Variants in LSAMP observed in about 807,000 individuals in gnomAD.
LSAMP encodes limbic system associated membrane protein.
LSAMP carries 7 observed loss-of-function variants against 38.6 expected under a neutral mutation model. The observed-to-expected ratio is 0.18, with a 90% CI of 0.10 to 0.34. The LOEUF (loss-of-function observed/expected upper bound fraction) is 0.34, where lower values mean the gene tolerates loss of function less well. Among genes scored for constraint, LSAMP ranks in the 10% least tolerant of loss-of-function variants. The pLI is 1.00. For synonymous variants in LSAMP, 154 were observed against 166.8 expected (o/e 0.92, Z 0.59); for missense variants, 313 against 420.0 (o/e 0.75, Z 2.23).
intron 1 of LSAMP, among the ~76,000 whole-genome samples, chr3:116,249,183 T>C (rs900726066): frequency 4.0e-4 from 60 of 150,196 alleles, no homozygotes; most frequent in Non-Finnish European, 3.1e-4. Flanking sequence ...TAAACAACAC[T>C]TTTGATACTA....
intron 2 of LSAMP, among the ~76,000 whole-genome samples, chr3:116,020,288 G>C (rs550193792): frequency 6.6e-6 from 1 of 152,204 alleles, no homozygotes; most frequent in African/African-American, 2.4e-5. Flanking sequence ...ATTACTTCTA[G>C]TACTTCCAAC....
intron 2 of LSAMP, among the ~76,000 whole-genome samples, chr3:116,074,594 T>C (rs1707691569): frequency 6.6e-6 from 1 of 152,178 alleles, no homozygotes; most frequent in African/African-American, 2.4e-5. Context: ...TTTCCATTAA[T>C]TTACACTCTC....
chr3:115,902,731 A>G (rs1936909351), intron 3 of LSAMP, among the ~76,000 whole-genome samples: 1 of 152,220 alleles, frequency 6.6e-6, no homozygotes, highest in Non-Finnish European at 1.5e-5. Flanking sequence ...GCCAACAAGC[A>G]TATGAAAAGG....
intron 3 of LSAMP, among the ~76,000 whole-genome samples, chr3:115,899,239 T>C (rs1387456185): frequency 6.6e-6 from 1 of 152,044 alleles, no homozygotes; most frequent in Non-Finnish European, 1.5e-5. Context: ...TTCTGAGAAA[T>C]GCATTTATAT....
intron 6 of LSAMP, among the ~76,000 whole-genome samples, chr3:115,839,314 CTTCCTTTT>C (rs1205729313): frequency 8.1e-6 from 1 of 123,276 alleles, no homozygotes; most frequent in Non-Finnish European, 1.7e-5. Context: ...TCCTTCCTTC[CTTCCTTTT>C]TTCCTTGCTT....
intron 1 of LSAMP, among the ~76,000 whole-genome samples, chr3:116,111,153 TACTTC>T (rs1708604015): frequency 1.3e-5 from 2 of 152,198 alleles, no homozygotes; most frequent in African/African-American, 4.8e-5. Context: ...ATTCTTCAGT[TACTTC>T]AGGCCATCTG....
At chr3:115,932,997 T>C (rs1937605710) in intron 3 of LSAMP, among the ~76,000 whole-genome samples, 1 of 152,134 alleles carries the variant, frequency 6.6e-6, no homozygotes, top group Non-Finnish European at 1.5e-5. Flanking sequence ...CTCTTGAGCA[T>C]CAACTCATAA....
intron 1 of LSAMP, among the ~76,000 whole-genome samples, chr3:116,121,231 G>T (rs1172913707): frequency 6.6e-6 from 1 of 152,148 alleles, no homozygotes; most frequent in African/African-American, 2.4e-5. Flanking sequence ...TAGCATTGAG[G>T]ACTCAGTGAG....
At chr3:115,896,539 T>C (rs1031231472) in intron 3 of LSAMP, among the ~76,000 whole-genome samples, 4 of 152,012 alleles carry the variant, frequency 2.6e-5, no homozygotes, top group African/African-American at 9.7e-5. Flanking sequence ...TCCAAGATAC[T>C]GGGGTCATCC....
intron 3 of LSAMP, among the ~76,000 whole-genome samples, chr3:116,018,516 A>C (rs1167263340): frequency 6.6e-6 from 1 of 152,204 alleles, no homozygotes; most frequent in African/African-American, 2.4e-5. Flanking sequence ...AGTGACTATA[A>C]GATATAAATT....
chr3:115,858,557 T>A (rs1268613455), intron 3 of LSAMP, among the ~76,000 whole-genome samples: 1 of 152,170 alleles, frequency 6.6e-6, no homozygotes, highest in East Asian at 1.9e-4. Flanking sequence ...AGATCAATCT[T>A]TCACAGATAG....
intron 1 of LSAMP, among the ~76,000 whole-genome samples, chr3:116,230,143 C>T (rs1020874384): frequency 6.6e-6 from 1 of 151,998 alleles, no homozygotes; most frequent in Non-Finnish European, 1.5e-5. Context: ...TTTTGATTGC[C>T]AAAGAATACA....
rs1553712405 is a variant in LSAMP, at chr3:116,195,722, A to AC, written c.156-109167_156-109166insG. Among the ~76,000 whole-genome samples the AC allele has an allele frequency of 6.5e-4, 65 of 99,940 alleles. No individual in the cohort carries two copies. In the Admixed American group the frequency reaches 7.2e-3, roughly 11 times the overall value. 65.6% of individuals were successfully genotyped at this position (99,940 alleles called of 152,430 possible). On this transcript the variant is annotated intron_variant, in intron 1 of 6. Transcript: ENST00000490035. ...AAGTCTTTTAGAAAAAAAAATGAAA[A>AC]AAAAAAAACATTTAAAGGAAAAGTC...
intron 3 of LSAMP, among the ~76,000 whole-genome samples, chr3:115,899,997 C>T (rs1051516539): frequency 3.9e-5 from 6 of 152,178 alleles, no homozygotes; most frequent in Admixed American, 3.9e-4. Context: ...TATAATCCTT[C>T]ATGTCCTCAC....
chr3:115,937,670 T>C (rs1434516558), intron 3 of LSAMP, among the ~76,000 whole-genome samples: 1 of 151,926 alleles, frequency 6.6e-6, no homozygotes, highest in Non-Finnish European at 1.5e-5. Flanking sequence ...AAAGAAATGT[T>C]TTGCATTATG....
intron 1 of LSAMP, among the ~76,000 whole-genome samples, chr3:116,307,552 G>A (rs1257759803): frequency 6.6e-6 from 1 of 151,628 alleles, no homozygotes; most frequent in Admixed American, 6.6e-5. Context: ...AAAATCTCCT[G>A]GTGCTTTCTC....
intron 3 of LSAMP, among the ~76,000 whole-genome samples, chr3:115,981,505 C>G (rs1939359942): frequency 6.6e-6 from 1 of 152,080 alleles, no homozygotes; most frequent in African/African-American, 2.4e-5. Flanking sequence ...TAGAAATGCA[C>G]TCTGATCTAT....
intron 3 of LSAMP, among the ~76,000 whole-genome samples, chr3:115,973,164 A>T (rs531125681): frequency 5.9e-5 from 9 of 152,270 alleles, no homozygotes; most frequent in Middle Eastern, 3.4e-3. Flanking sequence ...TCAATGGGTA[A>T]TAAAAAGCGA....
At position 115,804,580 on chromosome 3, in the gene LSAMP, GTTTT is replaced by G. The variant is rs950319118; in HGVS notation, c.*5733_*5736del. Reference sequence around the variant, plus strand: ...ACATGAGCCCTTAAAACTCCTTCCTGTTTTTTTTCTTTTTTTTTCTCTTAGGTAG... The same window carrying G: ...ACATGAGCCCTTAAAACTCCTTCCTGTTTTCTTTTTTTTTCTCTTAGGTAG... On this transcript the variant is annotated 3_prime_UTR_variant, in exon 7 of 7. Transcript: ENST00000490035. 20 of 151,732 alleles carry G rather than the reference GTTTT, an allele frequency of 1.3e-4. No individual in the cohort carries two copies. Among genetic ancestry groups the G allele is most frequent in the African/African-American group, 3.9e-4 (16 of 41,378 alleles). 9.4% of individuals were successfully genotyped at this position (151,732 alleles called of 1,614,324 possible).
Sources: gnomAD v4.1 joint callset for allele counts (sites outside exome capture counted in the v4.1 genomes callset) on GRCh38, gnomAD v4.1.1 for gene constraint, MANE v1.5 for transcripts, NCBI Gene and HGNC (gene_info 2026-07-23, HGNC 2026-07-21) for gene names.